The following GRIK2 variants were observed in gnomAD, a reference collection of about 807,000 sequenced individuals.
The protein encoded by GRIK2 is glutamate receptor ionotropic, kainate 2.
Under a neutral mutation model 100.3 loss-of-function variants are expected in GRIK2, and 32 were observed. That is an observed-to-expected ratio of 0.32 (90% CI 0.24 to 0.43). The LOEUF (loss-of-function observed/expected upper bound fraction) is 0.43, where lower values mean the gene tolerates loss of function less well. Ranked by LOEUF, GRIK2 falls within the 20% of genes least tolerant of loss-of-function variation. The pLI, the probability that GRIK2 is intolerant of heterozygous loss-of-function variation, is 1.00. For missense variants in GRIK2, 843 were observed against 1,114.9 expected, an observed-to-expected ratio of 0.76 and a Z score of 3.47; for synonymous variants, 417 against 389.4, an observed-to-expected ratio of 1.07 and a Z score of -0.83.
chr6:101,999,826 G>A (rs960313894), intron 14 of GRIK2, among the ~76,000 whole-genome samples: 1 of 151,844 alleles, frequency 6.6e-6, no homozygotes, highest in Non-Finnish European at 1.5e-5. Flanking sequence ...ACTTATATCG[G>A]GTTGGGGAAT....
rs1310364223 is a variant in GRIK2 at position 102,069,358 on chromosome 6, T to C, written c.*847T>C. 6.7e-6 allele frequency: 1 copy of C among 149,808 alleles called. No individual in the cohort carries two copies. Among genetic ancestry groups the C allele is most frequent in the Non-Finnish European group, 1.5e-5 (1 of 67,516 alleles). The allele number at this position is 149,808 out of a possible 1,614,324, so 9.3% of individuals were successfully genotyped here. On this transcript the variant is annotated 3_prime_UTR_variant, in exon 17 of 17. Transcript: ENST00000369134. ...ATAATAAAAGCAGTTGGTTCAGTGA[T>C]TCTGAATTAAAAGGATAATGTTTTG...
At chr6:101,518,097 A>ACC (rs34458712) in intron 2 of GRIK2, among the ~76,000 whole-genome samples, 4 of 151,856 alleles carry the variant, frequency 2.6e-5, no homozygotes, top group Admixed American at 2.6e-4. Flanking sequence ...ATGTTTTGAG[A>ACC]CCCCAAGTGT....
rs182439233 is a variant in GRIK2 at position 101,669,776 on chromosome 6, A to G, written c.542-6847A>G. On this transcript the variant is annotated intron_variant, in intron 4 of 16. Transcript: ENST00000369134. ...GGGTGGATAAACATCTATTTTTTGG[A>G]TGTCTTGAATGCATCTTTCTTTTTG... 1.1e-4 allele frequency among the ~76,000 whole-genome samples: 16 copies of G among 152,210 alleles called. No individual in the cohort carries two copies. The East Asian group carries it at 1.9e-3, about 18-fold the overall frequency.
At chr6:101,482,904 T>A (rs554820885) in intron 2 of GRIK2, among the ~76,000 whole-genome samples, 49 of 152,306 alleles carry the variant, frequency 3.2e-4, no homozygotes, top group African/African-American at 1.1e-3. Flanking sequence ...CATTTCACAG[T>A]GTTAAAGTTC....
At chr6:101,598,167 A>G (rs928223563) in intron 2 of GRIK2, among the ~76,000 whole-genome samples, 18 of 151,560 alleles carry the variant, frequency 1.2e-4, no homozygotes, top group Non-Finnish European at 2.7e-4. Context: ...CTGCATTTTC[A>G]CTTGTATTCT....
chr6:101,730,149 G>T (rs950582601), intron 7 of GRIK2, among the ~76,000 whole-genome samples: 1 of 151,890 alleles, frequency 6.6e-6, no homozygotes, highest in Non-Finnish European at 1.5e-5. Context: ...GCAGAATCTA[G>T]ATATGTTGAT....
intron 7 of GRIK2, among the ~76,000 whole-genome samples, chr6:101,749,825 T>TG (rs1554257876): frequency 4.3e-5 from 6 of 138,100 alleles, no homozygotes; most frequent in South Asian, 2.3e-4. Flanking sequence ...TTTTTTTTTT[T>TG]TGTGTGAGAC....
At chr6:101,420,344 C>A (rs1312338185) in intron 2 of GRIK2, among the ~76,000 whole-genome samples, 2 of 152,086 alleles carry the variant, frequency 1.3e-5, no homozygotes, top group Non-Finnish European at 2.9e-5. Flanking sequence ...ATATAAATAC[C>A]TACATTATAT....
intron 14 of GRIK2, among the ~76,000 whole-genome samples, chr6:101,944,993 T>A (rs992153938): frequency 2.0e-5 from 3 of 152,046 alleles, no homozygotes; most frequent in Non-Finnish European, 4.4e-5. Context: ...TAAACAGACA[T>A]AACTTTTGAA....
At chr6:101,912,172 C>G (rs1428280481) in intron 12 of GRIK2, among the ~76,000 whole-genome samples, 1 of 150,472 alleles carries the variant, frequency 6.6e-6, no homozygotes, top group Non-Finnish European at 1.5e-5. Context: ...TGTATCAAGA[C>G]AACTATCAAT....
intron 2 of GRIK2, among the ~76,000 whole-genome samples, chr6:101,584,788 C>G (rs979570490): frequency 1.3e-5 from 2 of 151,856 alleles, no homozygotes; most frequent in African/African-American, 2.4e-5. Context: ...ATGAGGCATT[C>G]GCAACTAGCT....
intron 14 of GRIK2, 50 bp from the exon 15 acceptor site, chr6:102,035,291 G>A: frequency 9.8e-7 from 1 of 1,019,184 alleles, no homozygotes; most frequent in South Asian, 1.4e-5. Context: ...GGAGCACATG[G>A]AAACTAAAGA....
intron 7 of GRIK2, among the ~76,000 whole-genome samples, chr6:101,707,166 G>A (rs188795736): frequency 1.6e-3 from 245 of 151,696 alleles, no homozygotes; most frequent in Non-Finnish European, 2.7e-3. Context: ...TGATTGTGGG[G>A]CAGTGTGGGC....
At chr6:102,053,262 T>C (rs1771296404) in intron 15 of GRIK2, among the ~76,000 whole-genome samples, 1 of 152,186 alleles carries the variant, frequency 6.6e-6, no homozygotes, top group African/African-American at 2.4e-5. Flanking sequence ...AAAATGGAGA[T>C]ACTCTTCCCC....
chr6:101,705,184 A>G (rs1314130770), intron 7 of GRIK2, among the ~76,000 whole-genome samples: 1 of 151,330 alleles, frequency 6.6e-6, no homozygotes, highest in Non-Finnish European at 1.5e-5. Flanking sequence ...GCTTGGCATT[A>G]ATGTGTATAA....
chr6:101,711,217 A>G (rs1293179863), intron 7 of GRIK2, among the ~76,000 whole-genome samples: 1 of 151,902 alleles, frequency 6.6e-6, no homozygotes, highest in Non-Finnish European at 1.5e-5. Context: ...GTTTATGACT[A>G]AAATTAGAAA....
At chr6:101,557,475 CTTA>C (rs1430395150) in intron 2 of GRIK2, among the ~76,000 whole-genome samples, 1 of 152,128 alleles carries the variant, frequency 6.6e-6, no homozygotes, top group Non-Finnish European at 1.5e-5. Flanking sequence ...AGATGTGAGG[CTTA>C]TTATTTTGCT....
At chr6:101,775,635 A>G (rs1330288687) in intron 7 of GRIK2, among the ~76,000 whole-genome samples, 1 of 151,388 alleles carries the variant, frequency 6.6e-6, no homozygotes, top group Non-Finnish European at 1.5e-5. Context: ...CAGAGGCTGT[A>G]CTCACATTCC....
At chr6:101,693,737 A>G (rs1772274507) in intron 7 of GRIK2, among the ~76,000 whole-genome samples, 1 of 151,996 alleles carries the variant, frequency 6.6e-6, no homozygotes, top group African/African-American at 2.4e-5. Flanking sequence ...ATAAAAAATT[A>G]TATATATCTA....
Sources: allele counts gnomAD v4.1 joint callset (sites outside exome capture counted in the v4.1 genomes callset), GRCh38; gene constraint gnomAD v4.1.1; transcripts MANE v1.5; gene names NCBI Gene and HGNC (gene_info 2026-07-23, HGNC 2026-07-21).